CHRM2: variants seen among roughly 807,000 people sequenced by gnomAD.
CHRM2 encodes the protein muscarinic acetylcholine receptor M2.
In CHRM2, 8 loss-of-function variants were observed where a neutral mutation model predicts 25.0. The ratio of observed to expected loss-of-function variants is 0.32; its 90% CI spans 0.19 to 0.58. CHRM2 has a LOEUF of 0.58. Among genes scored for constraint, CHRM2 ranks in the 20% least tolerant of loss-of-function variants. The pLI, the probability that CHRM2 is intolerant of heterozygous loss-of-function variation, is 0.88. For missense variants in CHRM2, 440 were observed against 567.1 expected, an observed-to-expected ratio of 0.78 and a Z score of 2.28; for synonymous variants, 202 against 205.7, an observed-to-expected ratio of 0.98 and a Z score of 0.15.
intron 2 of CHRM2, among the ~76,000 whole-genome samples, chr7:136,874,131 A>AT (rs1170065840): frequency 6.6e-6 from 1 of 152,130 alleles, no homozygotes; most frequent in Non-Finnish European, 1.5e-5. Flanking sequence ...TTGTCTCTCC[A>AT]TTTTTTCATG....
intron 2 of CHRM2, among the ~76,000 whole-genome samples, chr7:136,886,564 G>A (rs1029044698): frequency 1.3e-5 from 2 of 152,086 alleles, no homozygotes; most frequent in Non-Finnish European, 2.9e-5. Context: ...TTTATGTAGC[G>A]GTTCTAATTG....
At chr7:137,004,940 C>G (rs1486513985) in intron 3 of CHRM2, among the ~76,000 whole-genome samples, 1 of 152,044 alleles carries the variant, frequency 6.6e-6, no homozygotes, top group African/African-American at 2.4e-5. Flanking sequence ...TGTCTTTCGA[C>G]TGGAAACAAT....
At chr7:137,003,629 C>T (rs912373232) in intron 3 of CHRM2, among the ~76,000 whole-genome samples, 1 of 152,012 alleles carries the variant, frequency 6.6e-6, no homozygotes, top group Admixed American at 6.6e-5. Flanking sequence ...TAACTACTCA[C>T]AGAATCCTAC....
intron 2 of CHRM2, among the ~76,000 whole-genome samples, chr7:136,969,878 G>A (rs1343250531): frequency 6.6e-6 from 1 of 152,134 alleles, no homozygotes; most frequent in Non-Finnish European, 1.5e-5. Context: ...TAGACTGGGT[G>A]GTTTCAATAA....
chr7:136,992,623 T>G (rs7785096), intron 3 of CHRM2, among the ~76,000 whole-genome samples: 12 of 151,990 alleles, frequency 7.9e-5, no homozygotes, highest in African/African-American at 2.9e-4. Flanking sequence ...CTGCCCTTAA[T>G]GATGAATTTC....
At chr7:136,870,716 T>C (rs1283037468) in intron 2 of CHRM2, 1 of 152,316 alleles carries the variant, frequency 6.6e-6, no homozygotes, top group African/African-American at 2.4e-5. Context: ...CCAGCAGAAC[T>C]GTCGGTGGAC....
chr7:136,963,638 G>A (rs1224265197), intron 2 of CHRM2, among the ~76,000 whole-genome samples: 1 of 152,148 alleles, frequency 6.6e-6, no homozygotes, highest in African/African-American at 2.4e-5. Context: ...GTACATTTCA[G>A]TTCATCTGCT....
chr7:136,925,965 T>C (rs1261006206), intron 2 of CHRM2, among the ~76,000 whole-genome samples: 1 of 152,176 alleles, frequency 6.6e-6, no homozygotes, highest in Non-Finnish European at 1.5e-5. Flanking sequence ...TAGCCAGGCA[T>C]GGTGGCTCAC....
chr7:136,881,703 A>G (rs1006711692), intron 2 of CHRM2, among the ~76,000 whole-genome samples: 11 of 152,104 alleles, frequency 7.2e-5, no homozygotes, highest in African/African-American at 2.6e-4. Flanking sequence ...TATCTTTTAC[A>G]TGATTTTTTA....
intron 2 of CHRM2, among the ~76,000 whole-genome samples, chr7:136,974,861 C>A (rs1277449960): frequency 6.6e-6 from 1 of 152,012 alleles, no homozygotes; most frequent in Admixed American, 6.6e-5. Flanking sequence ...GCCAGGGAGA[C>A]CTGTTGGGTG....
intron 3 of CHRM2, among the ~76,000 whole-genome samples, chr7:137,002,210 A>C (rs2131070389): frequency 6.6e-6 from 1 of 152,274 alleles, no homozygotes; most frequent in African/African-American, 2.4e-5. Flanking sequence ...AGTTTAAGTG[A>C]AATTTTTTAA....
intron 2 of CHRM2, among the ~76,000 whole-genome samples, chr7:136,911,115 T>A (rs1358539642): frequency 1.3e-5 from 2 of 151,884 alleles, no homozygotes; most frequent in Non-Finnish European, 2.9e-5. Flanking sequence ...ATTTAGTGAG[T>A]AATTTTTTTT....
At chr7:136,888,975 G>A (rs886616742) in intron 2 of CHRM2, among the ~76,000 whole-genome samples, 4 of 147,764 alleles carry the variant, frequency 2.7e-5, no homozygotes, top group Admixed American at 1.4e-4. Flanking sequence ...ATGAACCCGG[G>A]AGGCGGAGCT....
At chr7:136,947,214 T>C (rs1800122437) in intron 2 of CHRM2, among the ~76,000 whole-genome samples, 1 of 152,182 alleles carries the variant, frequency 6.6e-6, no homozygotes, top group African/African-American at 2.4e-5. Flanking sequence ...TGTTTGTTTT[T>C]CTTTTTTTCA....
chr7:136,990,175 T>C (rs1012669956), intron 2 of CHRM2, among the ~76,000 whole-genome samples: 1 of 152,182 alleles, frequency 6.6e-6, no homozygotes, highest in African/African-American at 2.4e-5. Flanking sequence ...CAACATCCTC[T>C]ATCAGAGTGG....
At chr7:137,002,653 C>T (rs182865748) in intron 3 of CHRM2, among the ~76,000 whole-genome samples, 1 of 152,052 alleles carries the variant, frequency 6.6e-6, no homozygotes, top group East Asian at 1.9e-4. Context: ...AATCAGGATA[C>T]CACAGAATGA....
chr7:136,908,890 T>C (rs1797694801), intron 2 of CHRM2, among the ~76,000 whole-genome samples: 1 of 151,912 alleles, frequency 6.6e-6, no homozygotes, highest in Admixed American at 6.6e-5. Context: ...ATCTCTAAAA[T>C]ATGGGTGATA....
At chr7:136,916,058 C>T (rs1335087429) in intron 2 of CHRM2, among the ~76,000 whole-genome samples, 2 of 151,620 alleles carry the variant, frequency 1.3e-5, no homozygotes, top group African/African-American at 2.4e-5. Context: ...TGGTGCAGGC[C>T]CCATTCACAG....
chr7:136,992,634 C>T (rs62487063), intron 3 of CHRM2, among the ~76,000 whole-genome samples: 1 of 152,014 alleles, frequency 6.6e-6, no homozygotes, highest in Non-Finnish European at 1.5e-5. Context: ...GATGAATTTC[C>T]TCTAGAAGCA....
Sources: gnomAD v4.1 joint callset for allele counts (sites outside exome capture counted in the v4.1 genomes callset) on GRCh38, gnomAD v4.1.1 for gene constraint, MANE v1.5 for transcripts, NCBI Gene and HGNC (gene_info 2026-07-23, HGNC 2026-07-21) for gene names.